Variants in HTR2C observed in about 807,000 individuals in gnomAD.
HTR2C encodes the protein 5-hydroxytryptamine receptor 2C, also known as 5-hydroxytryptamine (serotonin) receptor 2C, G protein-coupled.
HTR2C carries 5 observed loss-of-function variants against 21.0 expected under a neutral mutation model. The observed-to-expected ratio is 0.24, with a 90% confidence interval of 0.12 to 0.50. The LOEUF (loss-of-function observed/expected upper bound fraction) is 0.50, where lower values mean the gene tolerates loss of function less well. Among genes scored for constraint, HTR2C ranks in the 20% least tolerant of loss-of-function variants. HTR2C has a pLI of 0.98. For missense variants in HTR2C, 271 were observed against 371.2 expected, an observed-to-expected ratio of 0.73 and a Z score of 2.22; for synonymous variants, 150 against 145.3, an observed-to-expected ratio of 1.03 and a Z score of -0.23.
rs58710348 is a variant in HTR2C, at chrX:114,700,015, G to A, written c.-79-26843G>A. On this transcript the variant is annotated intron_variant, in intron 2 of 5. Transcript: ENST00000276198. ...TGTATAGATTTGAAAGAAAATATGA[G>A]CGTAATAAATAGATCTCTTCATTTC... Among the ~76,000 whole-genome samples, 726 of 111,845 alleles carry A rather than the reference G, an allele frequency of 6.5e-3. 4 individuals are homozygous for A. The highest frequency in any genetic ancestry group is 0.021 in the African/African-American group (656 of 30,831).
At chrX:114,752,381 C>T (rs1179987409) in intron 4 of HTR2C, among the ~76,000 whole-genome samples, 1 of 111,119 alleles carries the variant, frequency 9.0e-6, no homozygotes, top group Non-Finnish European at 1.9e-5. Flanking sequence ...TTTTTTCTTG[C>T]TATTCTTAGA....
chrX:114,641,244 T>C (rs782116898), intron 2 of HTR2C, among the ~76,000 whole-genome samples: 6 of 110,548 alleles, frequency 5.4e-5, no homozygotes, highest in Non-Finnish European at 1.1e-4. Context: ...TTTTCTGCTT[T>C]AGCAGATGCC....
At chrX:114,716,638 TTCTA>T in intron 2 of HTR2C, among the ~76,000 whole-genome samples, 1 of 111,771 alleles carries the variant, frequency 8.9e-6, no homozygotes, top group Admixed American at 9.6e-5. Context: ...CTGAAAAACT[TTCTA>T]TCAAAATAAT....
intron 1 of HTR2C, among the ~76,000 whole-genome samples, chrX:114,593,696 A>ATG (rs1927724561): frequency 1.3e-4 from 1 of 7,756 alleles, no homozygotes; most frequent in Non-Finnish European, 2.9e-4. Flanking sequence ...AGTTAACTAG[A>ATG]ACCTAAGTTC....
intron 4 of HTR2C, among the ~76,000 whole-genome samples, chrX:114,781,508 C>CT (rs1280723691): frequency 8.5e-4 from 88 of 103,382 alleles, no homozygotes; most frequent in South Asian, 5.2e-3. Flanking sequence ...CTCTCTCTCT[C>CT]TTTTTTTTTT....
intron 4 of HTR2C, among the ~76,000 whole-genome samples, chrX:114,757,930 TAGG>T (rs2069829531): frequency 9.0e-6 from 1 of 111,040 alleles, no homozygotes; most frequent in Non-Finnish European, 1.9e-5. Flanking sequence ...CTTGTAAGGT[TAGG>T]AGGAATAAAA....
chrX:114,597,167 G>A (rs1313357311), intron 1 of HTR2C, among the ~76,000 whole-genome samples: 5 of 97,725 alleles, frequency 5.1e-5, no homozygotes, highest in Admixed American at 4.8e-4. Context: ...GCAGTGAGCC[G>A]AGATCGTGCC....
intron 4 of HTR2C, among the ~76,000 whole-genome samples, chrX:114,810,783 T>A (rs1428853354): frequency 1.8e-5 from 2 of 108,712 alleles, no homozygotes; most frequent in Non-Finnish European, 3.8e-5. Context: ...TGTGGATAGT[T>A]GTTCAATTTG....
At chrX:114,841,036 T>C (rs1485597622) in intron 4 of HTR2C, among the ~76,000 whole-genome samples, 4 of 112,060 alleles carry the variant, frequency 3.6e-5, no homozygotes, top group African/African-American at 1.3e-4. Flanking sequence ...CTTCAGCCCA[T>C]TCTGGAAGAA....
intron 4 of HTR2C, among the ~76,000 whole-genome samples, chrX:114,780,977 G>C (rs1458075033): frequency 9.0e-6 from 1 of 111,333 alleles, no homozygotes; most frequent in Non-Finnish European, 1.9e-5. Flanking sequence ...AATTTCTACA[G>C]GGAACAACAA....
At chrX:114,786,158 A>C (rs782764292) in intron 4 of HTR2C, among the ~76,000 whole-genome samples, 1 of 112,158 alleles carries the variant, frequency 8.9e-6, no homozygotes, top group East Asian at 2.8e-4. Context: ...GCAAAAATTA[A>C]AAGTGTGACA....
intron 5 of HTR2C, among the ~76,000 whole-genome samples, chrX:114,869,840 T>C (rs1404849988): frequency 1.8e-5 from 2 of 111,838 alleles, no homozygotes; most frequent in Admixed American, 1.9e-4. Flanking sequence ...ATGTTCCTTC[T>C]ATCCCCAGTT....
chrX:114,794,843 G>C (rs1413223305), intron 4 of HTR2C, among the ~76,000 whole-genome samples: 1 of 109,923 alleles, frequency 9.1e-6, no homozygotes, highest in Admixed American at 9.8e-5. Flanking sequence ...ACAAACGTGT[G>C]CATGTGTCTT....
intron 1 of HTR2C, among the ~76,000 whole-genome samples, chrX:114,585,626 G>A (rs976892919): frequency 3.6e-5 from 4 of 111,168 alleles, no homozygotes; most frequent in African/African-American, 9.8e-5. Flanking sequence ...GCTTCCTGTT[G>A]GGTAGTATGC....
intron 4 of HTR2C, among the ~76,000 whole-genome samples, chrX:114,771,419 T>C (rs2070002114): frequency 8.9e-6 from 1 of 112,149 alleles, no homozygotes; most frequent in African/African-American, 3.2e-5. Context: ...TTCAGAATAT[T>C]CTGTTAAATG....
intron 2 of HTR2C, among the ~76,000 whole-genome samples, chrX:114,710,909 T>C (rs1434306219): frequency 9.0e-6 from 1 of 111,527 alleles, no homozygotes; most frequent in Non-Finnish European, 1.9e-5. Context: ...TCCACAAATA[T>C]TGGCATGAGC....
chrX:114,726,248 G>A (rs1486680244), intron 2 of HTR2C, among the ~76,000 whole-genome samples: 5 of 112,637 alleles, frequency 4.4e-5, no homozygotes, highest in African/African-American at 1.3e-4. Context: ...TTGGAAAAGC[G>A]CAGTATTGGG....
intron 1 of HTR2C, among the ~76,000 whole-genome samples, chrX:114,605,241 T>G (rs368181064): frequency 1.8e-5 from 2 of 110,778 alleles, no homozygotes; most frequent in Non-Finnish European, 3.8e-5. Context: ...GGGCTAGTCA[T>G]GGAACGAAAC....
intron 5 of HTR2C, among the ~76,000 whole-genome samples, chrX:114,880,203 C>T (rs188970508): frequency 8.3e-4 from 91 of 109,937 alleles, no homozygotes; most frequent in Admixed American, 1.4e-3. Flanking sequence ...TATTAGGAAC[C>T]ATTCTCCATT....
Sources: gnomAD v4.1 joint callset for allele counts (sites outside exome capture counted in the v4.1 genomes callset) on GRCh38, gnomAD v4.1.1 for gene constraint, MANE v1.5 for transcripts, NCBI Gene and HGNC (gene_info 2026-07-23, HGNC 2026-07-21) for gene names.